The following PARD3 variants were observed in gnomAD, a reference collection of about 807,000 sequenced individuals.
PARD3 encodes the protein par-3 family cell polarity regulator, also known as partitioning defective 3 homolog.
PARD3 carries 75 observed loss-of-function variants against 155.4 expected under a neutral mutation model. The observed-to-expected ratio is 0.48, with a 90% CI of 0.40 to 0.58. PARD3 has a LOEUF of 0.58. PARD3 is among the 20% of genes least tolerant of loss of function. The pLI, the probability that PARD3 is intolerant of heterozygous loss-of-function variation, is 0.00. For synonymous variants in PARD3, 576 were observed against 610.5 expected, an observed-to-expected ratio of 0.94 and a Z score of 0.83; for missense variants, 1,642 against 1,721.7, an observed-to-expected ratio of 0.95 and a Z score of 0.82.
chr10:34,197,083 T>G (rs1041942378), intron 22 of PARD3, among the ~76,000 whole-genome samples: 2 of 152,142 alleles, frequency 1.3e-5, no homozygotes, highest in African/African-American at 4.8e-5. Flanking sequence ...AATGTTCAGC[T>G]CAAAACCAAG....
chr10:34,671,324 A>G (rs1328011347), intron 2 of PARD3, among the ~76,000 whole-genome samples: 1 of 152,252 alleles, frequency 6.6e-6, no homozygotes, highest in Non-Finnish European at 1.5e-5. Flanking sequence ...AACGATATAA[A>G]ATGTTGATTT....
chr10:34,531,470 C>CA (rs2082851177), intron 2 of PARD3, among the ~76,000 whole-genome samples: 1 of 152,162 alleles, frequency 6.6e-6, no homozygotes, highest in Non-Finnish European at 1.5e-5. Flanking sequence ...AATGACATTA[C>CA]TTTTTCTCAA....
At chr10:34,688,902 A>C (rs1234806588) in intron 2 of PARD3, among the ~76,000 whole-genome samples, 1 of 152,224 alleles carries the variant, frequency 6.6e-6, no homozygotes, top group Non-Finnish European at 1.5e-5. Context: ...CCAAGTATAA[A>C]ATTTGCATCT....
intron 16 of PARD3, among the ~76,000 whole-genome samples, chr10:34,340,980 C>T (rs1232540237): frequency 2.0e-5 from 3 of 152,020 alleles, no homozygotes; most frequent in Non-Finnish European, 2.9e-5. Context: ...AGGAGCTCTG[C>T]TTTTGCTTAT....
At chr10:34,318,546 C>A (rs1330109120) in intron 19 of PARD3, among the ~76,000 whole-genome samples, 1 of 152,122 alleles carries the variant, frequency 6.6e-6, no homozygotes, top group African/African-American at 2.4e-5. Flanking sequence ...TTCCTCTCTA[C>A]CAGCAAGGAG....
Position 34,121,388 on chromosome 10 carries a change from CCT to C in PARD3, c.3541-1650_3541-1649del, listed in dbSNP as rs960426319. Among the ~76,000 whole-genome samples the C allele has an allele frequency of 5.3e-5, 8 of 152,214 alleles. No individual in the cohort carries two copies. In the South Asian group the frequency reaches 6.2e-4, roughly 12 times the overall value. ...TCAGTACTCGCCACCCTCAGTTCCC[CCT>C]CTGTTATGCAACGTTGTGCAACAGG... On this transcript the variant is annotated intron_variant, in intron 23 of 24. Coordinates refer to ENST00000374788, the MANE Select transcript of PARD3 (RefSeq NM_001184785.2).
intron 2 of PARD3, among the ~76,000 whole-genome samples, chr10:34,592,689 T>C (rs1012736269): frequency 3.3e-5 from 5 of 152,130 alleles, no homozygotes; most frequent in African/African-American, 1.2e-4. Context: ...GGCAGGAGAA[T>C]TGCTTGAACC....
At chr10:34,239,564 G>A (rs1953446091) in intron 22 of PARD3, among the ~76,000 whole-genome samples, 1 of 152,132 alleles carries the variant, frequency 6.6e-6, no homozygotes, top group Non-Finnish European at 1.5e-5. Context: ...CACTTTGGGA[G>A]GCCGAGGCGG....
chr10:34,228,021 C>T (rs2062649153), intron 22 of PARD3, among the ~76,000 whole-genome samples: 1 of 150,694 alleles, frequency 6.6e-6, no homozygotes, highest in South Asian at 2.1e-4. Flanking sequence ...CCTAGTTGCC[C>T]ACCAATGGTG....
chr10:34,355,857 G>A (rs1418065444), intron 14 of PARD3, among the ~76,000 whole-genome samples: 13 of 143,394 alleles, frequency 9.1e-5, no homozygotes, highest in Admixed American at 5.9e-4. Context: ...CCCGGGAGGC[G>A]GAGGTTGCAG....
intron 4 of PARD3, among the ~76,000 whole-genome samples, chr10:34,459,839 T>C (rs879550044): frequency 5.9e-5 from 9 of 152,130 alleles, no homozygotes; most frequent in Non-Finnish European, 1.0e-4. Context: ...CTTTCTTCCA[T>C]TTTTCAGCCC....
At chr10:34,793,550 G>A (rs1383843349) in intron 1 of PARD3, among the ~76,000 whole-genome samples, 2 of 152,214 alleles carry the variant, frequency 1.3e-5, no homozygotes, top group Non-Finnish European at 2.9e-5. Flanking sequence ...ACTTTGGGAG[G>A]CCAAGGCAGC....
intron 11 of PARD3, among the ~76,000 whole-genome samples, chr10:34,373,526 G>GTT (rs1229916647): frequency 7.0e-6 from 1 of 142,922 alleles, no homozygotes; most frequent in Non-Finnish European, 1.5e-5. Flanking sequence ...AAAGCTAGTT[G>GTT]TTTTTTTTTT....
intron 5 of PARD3, among the ~76,000 whole-genome samples, chr10:34,425,947 CAAT>C (rs1458036167): frequency 6.6e-6 from 1 of 152,120 alleles, no homozygotes; most frequent in African/African-American, 2.4e-5. Context: ...ATAAACACAA[CAAT>C]GATTCCAATC....
chr10:34,585,703 A>C (rs1185455339), intron 2 of PARD3, among the ~76,000 whole-genome samples: 1 of 152,104 alleles, frequency 6.6e-6, no homozygotes, highest in Non-Finnish European at 1.5e-5. Context: ...TATAGTCTTG[A>C]AGGCTTCTGC....
At position 34,736,561 on chromosome 10, in the gene PARD3, C is replaced by T. The variant is rs2094916896; in HGVS notation, c.121-40142G>A. ...AACAAAAATAGATCACTTGAATCCGCACCACTGTCTGTGTTCATAAAGAAA... is the reference window on the plus strand; with the variant it reads ...AACAAAAATAGATCACTTGAATCCGTACCACTGTCTGTGTTCATAAAGAAA... On this transcript the variant is annotated intron_variant, in intron 1 of 24. Coordinates refer to ENST00000374788, the MANE Select transcript of PARD3 (RefSeq NM_001184785.2). 2.6e-5 allele frequency among the ~76,000 whole-genome samples: 4 copies of T among 151,986 alleles called. No individual in the cohort carries two copies. In the South Asian group the frequency reaches 8.3e-4, roughly 32 times the overall value.
intron 1 of PARD3, among the ~76,000 whole-genome samples, chr10:34,758,964 A>T (rs889950245): frequency 2.6e-5 from 4 of 152,208 alleles, no homozygotes; most frequent in African/African-American, 9.7e-5. Context: ...TATGACATGG[A>T]GGATGATTTT....
At chr10:34,505,962 C>T (rs1401645404) in intron 3 of PARD3, among the ~76,000 whole-genome samples, 1 of 151,982 alleles carries the variant, frequency 6.6e-6, no homozygotes, top group African/African-American at 2.4e-5. Context: ...CCCATTGCTA[C>T]TAAAAATACA....
Position 34,309,548 on chromosome 10 carries a change from CAAAAAAAAAAAAAAAAAAAAAAA to C in PARD3, c.3065+7536_3065+7558del, listed in dbSNP as rs1173904388. Among the ~76,000 whole-genome samples, 29 of 64,040 alleles carry C rather than the reference CAAAAAAAAAAAAAAAAAAAAAAA, an allele frequency of 4.5e-4. No individual in the cohort carries two copies. In the South Asian group the frequency reaches 0.026, roughly 58 times the overall value. 42.0% of individuals were successfully genotyped at this position (64,040 alleles called of 152,430 possible). A position where few individuals can be genotyped will look rare whatever the true frequency, so the allele number is the denominator to read the frequency against. On this transcript the variant is annotated intron_variant, in intron 20 of 24. Transcript: ENST00000374788. ...CTCCTGCTGAGCAAGACCCTGTCTC[CAAAAAAAAAAAAAAAAAAAAAAA>C]AAAAAAAAAAGGCAGACACAGATGG...
Sources: gnomAD v4.1 joint callset for allele counts (sites outside exome capture counted in the v4.1 genomes callset) on GRCh38, gnomAD v4.1.1 for gene constraint, MANE v1.5 for transcripts, NCBI Gene and HGNC (gene_info 2026-07-23, HGNC 2026-07-21) for gene names.